Variants in MRPL55 observed in about 807,000 individuals in gnomAD.
MRPL55 encodes the protein mitochondrial ribosomal protein L55.
In MRPL55, 7 loss-of-function variants were observed where a neutral mutation model predicts 10.6. The ratio of observed to expected loss-of-function variants is 0.66; its 90% CI spans 0.38 to 1.24. The LOEUF (loss-of-function observed/expected upper bound fraction) is 1.24, where lower values mean the gene tolerates loss of function less well. MRPL55 is among the 50% of genes most tolerant of loss of function. MRPL55 has a pLI of 0.02. For synonymous variants in MRPL55, 57 were observed against 71.8 expected, an observed-to-expected ratio of 0.79 and a Z score of 1.04; for missense variants, 148 against 180.3, an observed-to-expected ratio of 0.82 and a Z score of 1.03.
At chr1:228,108,387 A>ATC (rs2033429081) in intron 2 of MRPL55, 69 bp from the exon 3 acceptor site, 1 of 1,044,582 alleles carries the variant, frequency 9.6e-7, no homozygotes. Context: ...TTCTTATCAA[A>ATC]TCCCAGCCCA....
chr1:228,108,065 G>T (rs1179548215), intron 3 of MRPL55, 170 bp downstream of exon 3: 4 of 1,539,504 alleles, frequency 2.6e-6, no homozygotes, highest in Non-Finnish European at 3.5e-6. Context: ...TGGCCCCCTA[G>T]CCAGGAAGAG....
chr1:228,109,085 C>G (rs367841406), intron 1 of MRPL55, 64 bp from the exon 2 acceptor site: 1 of 152,454 alleles, frequency 6.6e-6, no homozygotes, highest in Non-Finnish European at 1.5e-5. Flanking sequence ...CTCCCTCCCT[C>G]CCGACTCCAC....
intron 4 of MRPL55, 44 bp downstream of exon 4, chr1:228,107,624 G>A: frequency 1.1e-5 from 18 of 1,592,342 alleles, no homozygotes; most frequent in African/African-American, 1.3e-5. Flanking sequence ...CCACAGCCTC[G>A]ACCCCAGCCC....
At position 228,109,239 on chromosome 1, in the gene MRPL55, C is replaced by G. The variant is rs2033535460; in HGVS notation, c.-216G>C. On this transcript the variant is annotated 5_prime_UTR_variant, in exon 1 of 5. Coordinates refer to ENST00000336520, the MANE Select transcript of MRPL55 (RefSeq NM_181463.3). ...GGAACTAAGACCAGGGACGAGGCCA[C>G]GCAGGAGATCAAGGTACTCACTGCG... 1.3e-5 allele frequency: 2 copies of G among 152,396 alleles called. No individual in the cohort carries two copies. The highest frequency in any genetic ancestry group is 2.9e-5 in the Non-Finnish European group (2 of 68,108). 9.4% of individuals were successfully genotyped at this position (152,396 alleles called of 1,614,324 possible).
In MRPL55 at chr1:228,106,893, G is replaced by C. The variant is rs2033172944; in HGVS notation, c.254C>G (p.Ser85Cys). 1.9e-6 allele frequency: 3 copies of C among 1,613,502 alleles called. No homozygotes were observed. The highest frequency in any genetic ancestry group is 2.7e-5 in the African/African-American group (2 of 74,924). ...CAGCCTGGCCCGGCGCTCCTCAGGA[G>C]ACAGGGTGTCCAGATCTATGGGCAT... ...LAMPIDLDTL[S>C]PEERRARLRK... Residue 85 changes from serine to cysteine, a missense_variant, in exon 5 of 5, where the codon TCT becomes TGT. Ser to Cys is a moderately radical substitution (Grantham distance 112). Transcript: ENST00000336520.
In MRPL55 at chr1:228,109,006, C is replaced by T. The variant is rs1184254347; in HGVS notation, c.-110G>A. 1 of 152,722 alleles carries T rather than the reference C, an allele frequency of 6.5e-6. No individual in the cohort carries two copies. The highest frequency in any genetic ancestry group is 1.5e-5 in the Non-Finnish European group (1 of 68,398). The allele number at this position is 152,722 out of a possible 1,614,324, so 9.5% of individuals were successfully genotyped here. On this transcript the variant is annotated 5_prime_UTR_variant, in exon 2 of 5. Transcript: ENST00000336520. ...GGAGGGTCTTCGGGGAAAGCTCCCTCTCCTTTCCTGCTAGACTGCATGGGG... is the reference window on the plus strand; with the variant it reads ...GGAGGGTCTTCGGGGAAAGCTCCCTTTCCTTTCCTGCTAGACTGCATGGGG...
chr1:228,107,924 A>G, intron 3 of MRPL55, 55 bp from the exon 4 acceptor site: 1 of 1,599,756 alleles, frequency 6.3e-7, no homozygotes, highest in Non-Finnish European at 8.5e-7. Flanking sequence ...CAGAGTGCCA[A>G]CATGACTGAG....
chr1:228,107,805 A>C lies in MRPL55; in HGVS notation c.91T>G (p.Trp31Gly). Reference protein sequence around the residue: ...PALRRLHTSSWRADSSRASLT... With the variant: ...PALRRLHTSSGRADSSRASLT... Reference sequence around the variant, plus strand: ...GAGGCCCTGCTGCTGTCAGCTCGCCAGGAGGATGTGTGCAGGCGGCGGAGT... The same window carrying C: ...GAGGCCCTGCTGCTGTCAGCTCGCCCGGAGGATGTGTGCAGGCGGCGGAGT... The change falls in exon 4 of 5, where the codon TGG becomes GGG. Residue 31 changes from tryptophan (W) to glycine (G), a missense_variant. Physicochemically the swap from Trp to Gly is radical, Grantham distance 184. Transcript: ENST00000336520. 1 of 1,613,272 alleles carries C rather than the reference A, an allele frequency of 6.2e-7. No homozygotes were observed. Among genetic ancestry groups the C allele is most frequent in the South Asian group, 1.1e-5 (1 of 91,084 alleles).
chr1:228,107,851 G>C lies in MRPL55; in HGVS notation c.45C>G (p.Thr15=). 6.2e-7 allele frequency: 1 copy of C among 1,613,034 alleles called. No individual in the cohort carries two copies. ...GGAGTGCAGGTCCGGTGGCCTTCAC[G>C]GTGCTCTGCCTCAGCCGGCTGCAGA... ...GSLLGRLRQS[T]VKATGPALRR... The change falls in exon 4 of 5, where the codon ACC becomes ACG. Residue 15 remains threonine, a synonymous_variant. Transcript: ENST00000336520.
intron 4 of MRPL55, 140 bp from the exon 5 acceptor site, chr1:228,107,058 C>A: frequency 1.6e-6 from 1 of 626,562 alleles, no homozygotes; most frequent in Admixed American, 3.0e-5. Flanking sequence ...ATTGGTCTCT[C>A]CCTTCAAAGC....
At chr1:228,107,194 G>C (rs2033214773) in intron 4 of MRPL55, among the ~76,000 whole-genome samples, 1 of 152,186 alleles carries the variant, frequency 6.6e-6, no homozygotes, top group African/African-American at 2.4e-5. Flanking sequence ...CTAGGTGAGA[G>C]GATCGCTTGA....
chr1:228,106,933 C>A lies in MRPL55; in HGVS notation c.229-15G>T. 6.2e-7 allele frequency: 1 copy of A among 1,607,120 alleles called. No homozygotes were observed. The highest frequency in any genetic ancestry group is 8.5e-7 in the Non-Finnish European group (1 of 1,175,772). On this transcript the variant is annotated splice_polypyrimidine_tract_variant and intron_variant, in intron 4 of 4. Coordinates refer to ENST00000336520, the MANE Select transcript of MRPL55 (RefSeq NM_181463.3). ...TCTATGGGCATCTGCAGGGGACAGA[C>A]CAAGTTTCGTCCATGTGGATCGAGG...
At chr1:228,108,355 G>C in intron 2 of MRPL55, 37 bp from the exon 3 acceptor site, 1 of 1,359,342 alleles carries the variant, frequency 7.4e-7, no homozygotes, top group South Asian at 1.3e-5. Context: ...TTTTTAAAAG[G>C]AAGGTTCTTC....
intron 3 of MRPL55, 110 bp from the exon 4 acceptor site, chr1:228,107,979 G>A: frequency 6.4e-7 from 1 of 1,551,516 alleles, no homozygotes. Flanking sequence ...GACATTACCA[G>A]AGCTGGTGAC....
intron 3 of MRPL55, 118 bp downstream of exon 3, chr1:228,108,117 G>C: frequency 6.5e-7 from 1 of 1,531,948 alleles, no homozygotes; most frequent in Non-Finnish European, 8.8e-7. Flanking sequence ...CAGCACAGGG[G>C]ACAGTGGACA....
rs1458739146 is a variant in MRPL55, at chr1:228,108,310, G to A, written c.-50C>T. 3 of 1,583,096 alleles carry A rather than the reference G, an allele frequency of 1.9e-6. No individual in the cohort carries two copies. Among genetic ancestry groups the A allele is most frequent in the South Asian group, 2.3e-5 (2 of 87,496 alleles). On this transcript the variant is annotated 5_prime_UTR_variant, in exon 3 of 5. Coordinates refer to ENST00000336520, the MANE Select transcript of MRPL55 (RefSeq NM_181463.3). ...GTGGAGGTGGTCAGTACAGGCCCTG[G>A]CGTGCAACCTGCTAGGCAGAGAATG...
intron 4 of MRPL55, among the ~76,000 whole-genome samples, chr1:228,107,378 C>T (rs562024970): frequency 1.1e-4 from 16 of 152,206 alleles, no homozygotes; most frequent in Non-Finnish European, 2.9e-5. Flanking sequence ...GAACCGAGAT[C>T]GTGCCTCTGC....
At position 228,106,758 on chromosome 1, in the gene MRPL55, G is replaced by A. The variant is rs374269957; in HGVS notation, c.*2C>T. 2.2e-5 allele frequency: 35 copies of A among 1,607,662 alleles called. No homozygotes were observed. The highest frequency in any genetic ancestry group is 2.9e-5 in the Non-Finnish European group (34 of 1,176,202). On this transcript the variant is annotated 3_prime_UTR_variant, in exon 5 of 5. Coordinates refer to ENST00000336520, the MANE Select transcript of MRPL55 (RefSeq NM_181463.3). ...AATGTCCCGGGGTGGCTGGAGCCAC[G>A]GTCACTTCTTGGTCCTGGTCCAGAA... is the stretch of plus-strand genomic sequence containing the variant.
chr1:228,107,586 C>G (rs1215772686), intron 4 of MRPL55, 82 bp downstream of exon 4: 1 of 1,292,404 alleles, frequency 7.7e-7, no homozygotes, highest in Non-Finnish European at 1.1e-6. Context: ...CATGTCCATC[C>G]GAAGGCGACT....
Sources: allele counts gnomAD v4.1 joint callset (sites outside exome capture counted in the v4.1 genomes callset), GRCh38; gene constraint gnomAD v4.1.1; transcripts MANE v1.5; gene names NCBI Gene and HGNC (gene_info 2026-07-23, HGNC 2026-07-21).